Variants in ARMC9 observed in about 807,000 individuals in gnomAD.
ARMC9 encodes lisH domain-containing protein ARMC9.
In ARMC9, 94 loss-of-function variants were observed where a neutral mutation model predicts 107.0. The observed-to-expected ratio is 0.88, with a 90% CI of 0.74 to 1.04. ARMC9 has a LOEUF of 1.04. Among genes scored for constraint, ARMC9 ranks in the 50% least tolerant of loss-of-function variants. The probability of loss-of-function intolerance (pLI) is 0.00; values close to 1 mark genes in which losing one functional copy is unlikely to be tolerated. For synonymous variants in ARMC9, 380 were observed against 396.9 expected (o/e 0.96, Z 0.51); for missense variants, 942 against 1,030.1 (o/e 0.91, Z 1.17).
intron 20 of ARMC9, among the ~76,000 whole-genome samples, chr2:231,340,596 C>G (rs1410670894): frequency 1.3e-5 from 2 of 152,144 alleles, no homozygotes; most frequent in Admixed American, 6.6e-5. Context: ...CCCACTAAAT[C>G]TAAATTAAGG....
chr2:231,304,499 T>G (rs2041939148), intron 19 of ARMC9, among the ~76,000 whole-genome samples: 1 of 152,144 alleles, frequency 6.6e-6, no homozygotes, highest in Non-Finnish European at 1.5e-5. Flanking sequence ...TGGGTTCAAG[T>G]GGTTCTTTTG....
chr2:231,219,982 A>G (rs1349377618), intron 5 of ARMC9, among the ~76,000 whole-genome samples: 2 of 152,200 alleles, frequency 1.3e-5, no homozygotes, highest in East Asian at 3.9e-4. Context: ...GGCGTGCGCC[A>G]CCACCATTTT....
chr2:231,302,433 G>GTTTGTTTTTTT (rs1321328007), intron 19 of ARMC9, among the ~76,000 whole-genome samples: 1 of 96,394 alleles, frequency 1.0e-5, no homozygotes, highest in Non-Finnish European at 2.1e-5. Context: ...AGCATTGTGG[G>GTTTGTTTTTTT]TTTGTTTTTT....
At chr2:231,359,645 T>C (rs1326836828) in intron 22 of ARMC9, among the ~76,000 whole-genome samples, 1 of 152,330 alleles carries the variant, frequency 6.6e-6, no homozygotes, top group South Asian at 2.1e-4. Flanking sequence ...CCCCTGCGTG[T>C]AGCCCAGCAA....
At chr2:231,202,430 C>T (rs1349925303) in intron 1 of ARMC9, among the ~76,000 whole-genome samples, 1 of 151,286 alleles carries the variant, frequency 6.6e-6, no homozygotes, top group Non-Finnish European at 1.5e-5. Flanking sequence ...TCAAGTGATC[C>T]TCCTGTCTCA....
At chr2:231,219,872 T>C (rs994317015) in intron 5 of ARMC9, among the ~76,000 whole-genome samples, 2 of 152,194 alleles carry the variant, frequency 1.3e-5, no homozygotes, top group African/African-American at 4.8e-5. Flanking sequence ...GGTCTCACTC[T>C]ATCCCCCAGG....
At chr2:231,213,565 C>G (rs1311025588) in intron 3 of ARMC9, among the ~76,000 whole-genome samples, 1 of 151,960 alleles carries the variant, frequency 6.6e-6, no homozygotes, top group East Asian at 1.9e-4. Context: ...CAACCTCCGC[C>G]TCCCGGGTTC....
chr2:231,370,050 C>A lies in ARMC9; in HGVS notation c.2359C>A (p.Pro787Thr). The A allele has an allele frequency of 1.3e-6, 2 of 1,535,588 alleles. No homozygotes were observed. The highest frequency in any genetic ancestry group is 1.4e-5 in the African/African-American group (1 of 73,150). Residue 787 changes from proline to threonine, a missense_variant, in exon 24 of 25, where the codon CCT (proline) becomes ACT (threonine). Pro to Thr is a conservative substitution (Grantham distance 38). Transcript: ENST00000611582. ...CAAGGCAAAGGCGTCAGTTCTGGCC[C>A]CTCTGTTCTCTTCGTGTGGCCCCCA... ...PPKAKASVLAPLFSSCGPQQA... is the reference protein window; with the variant it reads ...PPKAKASVLATLFSSCGPQQA...
At chr2:231,219,134 ATTTATGTCCTT>A (rs1158967699) in intron 5 of ARMC9, among the ~76,000 whole-genome samples, 2 of 140,450 alleles carry the variant, frequency 1.4e-5, no homozygotes, top group Non-Finnish European at 3.1e-5. Context: ...CCCCTTCACA[ATTTATGTCCTT>A]TTTTTTTTTG....
At chr2:231,318,540 A>G (rs947902137) in intron 19 of ARMC9, among the ~76,000 whole-genome samples, 3 of 152,066 alleles carry the variant, frequency 2.0e-5, no homozygotes, top group African/African-American at 7.2e-5. Context: ...TTCAATTTCT[A>G]GCAGCTGTGC....
In ARMC9 at chr2:231,360,391, A is replaced by G. The variant is rs1480050373; in HGVS notation, c.2132-363A>G. Among the ~76,000 whole-genome samples the G allele has an allele frequency of 6.6e-6, 1 of 152,228 alleles. No individual in the cohort carries two copies. Among genetic ancestry groups the G allele is most frequent in the Admixed American group, 6.5e-5 (1 of 15,284 alleles). Reference sequence around the variant, plus strand: ...CACCACCCAGTTACATTTGAGTTTCAGATAAGCAAATGGGCCTCCACATTC... The same window carrying G: ...CACCACCCAGTTACATTTGAGTTTCGGATAAGCAAATGGGCCTCCACATTC... On this transcript the variant is annotated intron_variant, in intron 22 of 24. Coordinates refer to ENST00000611582, the MANE Select transcript of ARMC9 (RefSeq NM_001352754.2). This position sits in a 1 kb window ranked among gnomAD's most constrained non-coding sequence, Gnocchi z 4.7.
chr2:231,203,256 C>T (rs969493243), intron 1 of ARMC9, among the ~76,000 whole-genome samples: 11 of 152,146 alleles, frequency 7.2e-5, no homozygotes, highest in East Asian at 3.9e-4. Flanking sequence ...TTGGTTTGAC[C>T]TCAAAACAGT....
At chr2:231,369,630 C>T (rs1312102579) in intron 23 of ARMC9, among the ~76,000 whole-genome samples, 1 of 143,028 alleles carries the variant, frequency 7.0e-6, no homozygotes, top group Non-Finnish European at 1.5e-5. Flanking sequence ...GAATTTTGCT[C>T]TTGTCGCCCA....
intron 19 of ARMC9, among the ~76,000 whole-genome samples, chr2:231,318,141 G>A (rs1196522032): frequency 1.3e-5 from 2 of 151,814 alleles, no homozygotes; most frequent in Non-Finnish European, 2.9e-5. Flanking sequence ...GCTCTCCTGA[G>A]GGCTGTTGCT....
chr2:231,359,780 A>G (rs7581535), intron 22 of ARMC9, among the ~76,000 whole-genome samples: 14,122 of 152,220 alleles, frequency 0.093, 2,178 homozygotes, highest in African/African-American at 0.32. Flanking sequence ...ATCCAGGTGG[A>G]GACCGCCCAG....
intron 12 of ARMC9, among the ~76,000 whole-genome samples, chr2:231,263,441 A>G (rs998450291): frequency 6.6e-6 from 1 of 152,274 alleles, no homozygotes; most frequent in Non-Finnish European, 1.5e-5. Context: ...CGTGCAAGTC[A>G]GAGAATGGGG....
In ARMC9 at chr2:231,375,495, G is replaced by A. The variant is rs2046170468; in HGVS notation, c.*3960G>A. Among the ~76,000 whole-genome samples the A allele has an allele frequency of 6.6e-6, 1 of 152,174 alleles. No homozygotes were observed. Among genetic ancestry groups the A allele is most frequent in the African/African-American group, 2.4e-5 (1 of 41,434 alleles). ...GCTTTGCAGGACCAAATCTTTTAGG[G>A]CTGTTTTTCCATTGTGGTATACCCT... is the stretch of plus-strand genomic sequence containing the variant. On this transcript the variant is annotated 3_prime_UTR_variant, in exon 25 of 25. Coordinates refer to ENST00000611582, the MANE Select transcript of ARMC9 (RefSeq NM_001352754.2). This position sits in a 1 kb window ranked among gnomAD's most constrained non-coding sequence, Gnocchi z 4.3.
At chr2:231,250,533 T>C (rs1253691767) in intron 9 of ARMC9, among the ~76,000 whole-genome samples, 1 of 152,054 alleles carries the variant, frequency 6.6e-6, no homozygotes, top group African/African-American at 2.4e-5. Context: ...CAGGGGATGC[T>C]GAGGAAAATC....
At chr2:231,212,765 T>C (rs1235461154) in intron 3 of ARMC9, among the ~76,000 whole-genome samples, 1 of 152,222 alleles carries the variant, frequency 6.6e-6, no homozygotes, top group Middle Eastern at 3.2e-3. Context: ...ATTCAGCTGC[T>C]TGTGCTTTGT....
Sources: allele counts gnomAD v4.1 joint callset (sites outside exome capture counted in the v4.1 genomes callset), GRCh38; gene constraint gnomAD v4.1.1; non-coding constraint Gnocchi (gnomAD v3.1); transcripts MANE v1.5; gene names NCBI Gene and HGNC (gene_info 2026-07-23, HGNC 2026-07-21).